The following CSRNP3 variants were observed in gnomAD, a reference collection of about 807,000 sequenced individuals.
The protein encoded by CSRNP3 is cysteine and serine rich nuclear protein 3, also known as cysteine/serine-rich nuclear protein 3.
In CSRNP3, 12 loss-of-function variants were observed where a neutral mutation model predicts 48.0. That is an observed-to-expected ratio of 0.25 (90% CI 0.16 to 0.41). CSRNP3 has a LOEUF of 0.41. CSRNP3 is among the 10% of genes least tolerant of loss of function. The probability of loss-of-function intolerance (pLI) is 1.00; values close to 1 mark genes in which losing one functional copy is unlikely to be tolerated. For synonymous variants in CSRNP3, 263 were observed against 269.7 expected (o/e 0.98, Z 0.24); for missense variants, 580 against 724.4 (o/e 0.80, Z 2.29).
At chr2:165,566,262 A>G (rs1685296767) in intron 3 of CSRNP3, among the ~76,000 whole-genome samples, 3 of 151,906 alleles carry the variant, frequency 2.0e-5, no homozygotes, top group Admixed American at 2.0e-4. Flanking sequence ...TCACACATAC[A>G]TTAGTCATGC....
intron 1 of CSRNP3, among the ~76,000 whole-genome samples, chr2:165,477,054 G>A (rs535292113): frequency 6.6e-6 from 1 of 152,160 alleles, no homozygotes; most frequent in African/African-American, 2.4e-5. Context: ...GCATCAGCTG[G>A]TAAATTTAGT....
At position 165,679,803 on chromosome 2, in the gene CSRNP3, T is replaced by A. The variant is rs1310462503; in HGVS notation, c.*50T>A. The A allele has an allele frequency of 6.4e-7, 1 of 1,551,198 alleles. No individual in the cohort carries two copies. Among genetic ancestry groups the A allele is most frequent in the Non-Finnish European group, 8.7e-7 (1 of 1,149,698 alleles). ...CTCTTCTCTTATTTAAGGCACTGTA[T>A]TTAATTGGATTTCCTGGGCTCATCA... On this transcript the variant is annotated 3_prime_UTR_variant, in exon 7 of 7. Coordinates refer to ENST00000651982, the MANE Select transcript of CSRNP3 (RefSeq NM_001172173.2).
At chr2:165,473,529 T>A (rs184594070) in intron 1 of CSRNP3, among the ~76,000 whole-genome samples, 1 of 152,216 alleles carries the variant, frequency 6.6e-6, no homozygotes, top group Admixed American at 6.5e-5. Context: ...CTATAGTACA[T>A]CACAACTCAA....
At chr2:165,571,358 T>A (rs1469931293) in intron 3 of CSRNP3, among the ~76,000 whole-genome samples, 2 of 151,924 alleles carry the variant, frequency 1.3e-5, no homozygotes, top group Non-Finnish European at 1.5e-5. Flanking sequence ...AGATAAGAAA[T>A]CGATGTTTTA....
chr2:165,471,051 GAC>G (rs1683889063), intron 1 of CSRNP3, among the ~76,000 whole-genome samples: 1 of 151,582 alleles, frequency 6.6e-6, no homozygotes, highest in African/African-American at 2.4e-5. Context: ...TGAATAAACA[GAC>G]ACAAATATAA....
intron 4 of CSRNP3, among the ~76,000 whole-genome samples, chr2:165,637,487 T>A (rs7598251): frequency 4.6e-5 from 7 of 152,342 alleles, no homozygotes; most frequent in African/African-American, 1.4e-4. Flanking sequence ...TTAGTACTCA[T>A]AGCTGGTCAT....
At chr2:165,483,461 A>C (rs1031017167) in intron 1 of CSRNP3, among the ~76,000 whole-genome samples, 1 of 152,092 alleles carries the variant, frequency 6.6e-6, no homozygotes, top group African/African-American at 2.4e-5. Flanking sequence ...ATAACTTACA[A>C]TTTTCTACCA....
At chr2:165,614,664 T>C (rs900980569) in intron 4 of CSRNP3, among the ~76,000 whole-genome samples, 12 of 152,234 alleles carry the variant, frequency 7.9e-5, no homozygotes, top group African/African-American at 2.9e-4. Flanking sequence ...TCAAATGCTT[T>C]TTCTACATCT....
At chr2:165,599,907 A>C (rs1018618443) in intron 4 of CSRNP3, among the ~76,000 whole-genome samples, 1 of 149,170 alleles carries the variant, frequency 6.7e-6, no homozygotes, top group Non-Finnish European at 1.5e-5. Flanking sequence ...AGCATTAACA[A>C]ACAATTTAAT....
intron 1 of CSRNP3, among the ~76,000 whole-genome samples, chr2:165,482,785 C>T (rs1684064698): frequency 5.9e-5 from 9 of 152,094 alleles, no homozygotes; most frequent in Admixed American, 5.9e-4. Flanking sequence ...AGGAGTTTCC[C>T]TCCAGCCTCT....
chr2:165,595,744 T>G (rs76500556), intron 4 of CSRNP3, among the ~76,000 whole-genome samples: 2 of 152,096 alleles, frequency 1.3e-5, no homozygotes, highest in East Asian at 3.8e-4. Flanking sequence ...GTCTCTCTTC[T>G]CCAGTATTTA....
chr2:165,634,511 A>G (rs1432706729), intron 4 of CSRNP3, among the ~76,000 whole-genome samples: 1 of 152,232 alleles, frequency 6.6e-6, no homozygotes, highest in East Asian at 1.9e-4. Context: ...GGTGGTCAAG[A>G]TGGATAAGAA....
At chr2:165,480,826 TATA>T (rs1456205064) in intron 1 of CSRNP3, among the ~76,000 whole-genome samples, 1 of 146,184 alleles carries the variant, frequency 6.8e-6, no homozygotes, top group Non-Finnish European at 1.5e-5. Flanking sequence ...TAATATATAT[TATA>T]ATATATATTT....
At chr2:165,612,841 G>C (rs1475913723) in intron 4 of CSRNP3, among the ~76,000 whole-genome samples, 1 of 151,928 alleles carries the variant, frequency 6.6e-6, no homozygotes, top group Non-Finnish European at 1.5e-5. Flanking sequence ...TGGACAATTA[G>C]GTTGATTCTG....
chr2:165,661,539 A>G (rs1687096484), intron 5 of CSRNP3, among the ~76,000 whole-genome samples: 1 of 152,162 alleles, frequency 6.6e-6, no homozygotes, highest in Non-Finnish European at 1.5e-5. Context: ...TCAAAATTCA[A>G]AGCCTAGTTT....
intron 4 of CSRNP3, among the ~76,000 whole-genome samples, chr2:165,631,735 T>C (rs1273538054): frequency 1.3e-5 from 2 of 152,222 alleles, no homozygotes; most frequent in Non-Finnish European, 2.9e-5. Context: ...GTTAGCAAAC[T>C]ACAGCCTTGC....
intron 6 of CSRNP3, among the ~76,000 whole-genome samples, chr2:165,678,303 G>A (rs1445008478): frequency 6.6e-6 from 1 of 151,976 alleles, no homozygotes; most frequent in Non-Finnish European, 1.5e-5. Flanking sequence ...TTAAAATCAG[G>A]CACAAGAGCT....
intron 3 of CSRNP3, among the ~76,000 whole-genome samples, chr2:165,589,235 T>C (rs1198712564): frequency 2.0e-5 from 3 of 152,186 alleles, no homozygotes; most frequent in African/African-American, 7.2e-5. Context: ...TAAATCCTTA[T>C]ATTCTTTTCT....
At chr2:165,498,081 C>T (rs1291277026) in intron 2 of CSRNP3, among the ~76,000 whole-genome samples, 1 of 152,010 alleles carries the variant, frequency 6.6e-6, no homozygotes, top group African/African-American at 2.4e-5. Flanking sequence ...ATTTTACTTC[C>T]CCTTTCTGTA....
Sources: allele counts gnomAD v4.1 joint callset (sites outside exome capture counted in the v4.1 genomes callset), GRCh38; gene constraint gnomAD v4.1.1; transcripts MANE v1.5; gene names NCBI Gene and HGNC (gene_info 2026-07-23, HGNC 2026-07-21).